The following NMT1 variants were observed in gnomAD, a reference collection of about 807,000 sequenced individuals.
NMT1 encodes N-myristoyltransferase 1, also known as glycylpeptide N-tetradecanoyltransferase 1.
A neutral mutation model predicts 63.4 loss-of-function variants in NMT1; 12 were observed. The ratio of observed to expected loss-of-function variants is 0.19; its 90% CI spans 0.12 to 0.31. NMT1 has a LOEUF of 0.31. Ranked by LOEUF, NMT1 falls within the 10% of genes least tolerant of loss-of-function variation. NMT1 has a pLI of 1.00. For synonymous variants in NMT1, 228 were observed against 234.3 expected (o/e 0.97, Z 0.25); for missense variants, 432 against 634.6 (o/e 0.68, Z 3.43).
intron 5 of NMT1, 90 bp downstream of exon 5, chr17:45,096,375 G>A (rs1433681742): frequency 6.9e-6 from 7 of 1,014,342 alleles, no homozygotes; most frequent in Non-Finnish European, 1.1e-5. Flanking sequence ...CCTGCCAGGG[G>A]CCAACCTTTG....
intron 2 of NMT1, among the ~76,000 whole-genome samples, chr17:45,084,683 G>A (rs1043495266): frequency 6.7e-6 from 1 of 150,028 alleles, no homozygotes; most frequent in Non-Finnish European, 1.5e-5. Flanking sequence ...GCCCAGGCTG[G>A]CCTTGAACTC....
intron 1 of NMT1, among the ~76,000 whole-genome samples, chr17:45,068,780 G>A (rs1243795240): frequency 1.3e-5 from 2 of 151,752 alleles, no homozygotes; most frequent in Admixed American, 6.6e-5. Flanking sequence ...CCAAATAGCT[G>A]GGATCACAGG....
At chr17:45,081,371 A>G (rs2054016170) in intron 1 of NMT1, among the ~76,000 whole-genome samples, 1 of 152,246 alleles carries the variant, frequency 6.6e-6, no homozygotes, top group African/African-American at 2.4e-5. Context: ...ATATAAAGAA[A>G]ATAAGCAACA....
intron 1 of NMT1, among the ~76,000 whole-genome samples, chr17:45,076,483 C>T (rs2053978442): frequency 6.6e-6 from 1 of 150,474 alleles, no homozygotes; most frequent in Non-Finnish European, 1.5e-5. Context: ...GGCACGGTGG[C>T]TCATGCCTGT....
rs1243981130 is a variant in NMT1 at position 45,096,180 on chromosome 17, T to G, written c.505-14T>G. On this transcript the variant is annotated splice_polypyrimidine_tract_variant and intron_variant, in intron 4 of 11. Coordinates refer to ENST00000258960, the MANE Select transcript of NMT1 (RefSeq NM_021079.5). ...GGCAGAATACCTCCAAGTGAGCTGC[T>G]TATTTCTTTACAGCTAAAAGAACTG... 6.3e-7 allele frequency: 1 copy of G among 1,597,994 alleles called. No individual in the cohort carries two copies. The highest frequency in any genetic ancestry group is 2.2e-5 in the East Asian group (1 of 44,818).
chr17:45,075,702 G>A (rs1225066959), intron 1 of NMT1, among the ~76,000 whole-genome samples: 3 of 151,660 alleles, frequency 2.0e-5, no homozygotes, highest in African/African-American at 4.9e-5. Context: ...CCCAGGAGGC[G>A]GAGGTTGCAG....
intron 4 of NMT1, among the ~76,000 whole-genome samples, chr17:45,094,152 C>T (rs1348335703): frequency 6.6e-6 from 1 of 152,116 alleles, no homozygotes; most frequent in African/African-American, 2.4e-5. Flanking sequence ...ACCCCGGCCA[C>T]CCAGAGCCCC....
At chr17:45,077,621 C>T (rs912762111) in intron 1 of NMT1, among the ~76,000 whole-genome samples, 4 of 152,186 alleles carry the variant, frequency 2.6e-5, no homozygotes, top group African/African-American at 9.7e-5. Context: ...AACTCCCGAC[C>T]TCAGGTGATC....
chr17:45,096,462 C>A (rs1018342352), intron 5 of NMT1, among the ~76,000 whole-genome samples, 177 bp downstream of exon 5: 2 of 152,164 alleles, frequency 1.3e-5, no homozygotes, highest in Admixed American at 1.3e-4. Flanking sequence ...AGAATTGCAG[C>A]CTTGTTTAAG....
At chr17:45,095,070 C>G (rs2054115564) in intron 4 of NMT1, among the ~76,000 whole-genome samples, 1 of 151,818 alleles carries the variant, frequency 6.6e-6, no homozygotes, top group Non-Finnish European at 1.5e-5. Flanking sequence ...CTCGGCCTCC[C>G]AAAGTGCTGG....
intron 8 of NMT1, 154 bp downstream of exon 8, chr17:45,099,667 TTC>T (rs2054148810): frequency 1.7e-6 from 1 of 605,224 alleles, no homozygotes; most frequent in Non-Finnish European, 3.0e-6. Context: ...GACTTTCTAT[TTC>T]TGTTATCTGA....
chr17:45,062,004 T>C (rs2143438709), intron 1 of NMT1: 1 of 152,520 alleles, frequency 6.6e-6, no homozygotes, highest in African/African-American at 2.4e-5. Context: ...ATGGTAATGC[T>C]TTGATTTACA....
intron 1 of NMT1, among the ~76,000 whole-genome samples, chr17:45,076,284 T>C (rs1186469578): frequency 3.3e-5 from 5 of 152,018 alleles, no homozygotes; most frequent in African/African-American, 4.8e-5. Flanking sequence ...ATTAAAATTA[T>C]TATAATTACC....
chr17:45,081,594 C>CAAA, intron 1 of NMT1, 50 bp from the exon 2 acceptor site: 1 of 1,528,578 alleles, frequency 6.5e-7, no homozygotes, highest in Non-Finnish European at 9.0e-7. Context: ...AGGGGTAGCA[C>CAAA]AAAACAGATT....
intron 8 of NMT1, among the ~76,000 whole-genome samples, chr17:45,100,877 A>G (rs1303864020): frequency 8.0e-6 from 1 of 125,226 alleles, no homozygotes; most frequent in African/African-American, 3.0e-5. Flanking sequence ...AAAAAAAAAA[A>G]AAAAAAAAAA....
Position 45,093,722 on chromosome 17 carries a change from C to T in NMT1, c.423C>T (p.Asp141=), listed in dbSNP as rs535242567. The T allele has an allele frequency of 1.9e-6, 3 of 1,614,244 alleles. No homozygotes were observed. In the East Asian group the frequency reaches 6.7e-5, roughly 36 times the overall value. ...ACACCCATGGCCCCGTGGAGCCTGA[C>T]AAGGACAATATCCGCCAGGAGCCCT... is the stretch of plus-strand genomic sequence containing the variant. The part of the protein sequence containing the change: ...VVNTHGPVEP[D]KDNIRQEPYT... Residue 141 remains aspartate, a synonymous_variant, in exon 4 of 12, where the codon GAC becomes GAT. Transcript: ENST00000258960.
chr17:45,086,748 G>A (rs1192542212), intron 3 of NMT1, 96 bp downstream of exon 3: 1 of 1,322,726 alleles, frequency 7.6e-7, no homozygotes, highest in Non-Finnish European at 1.0e-6. Flanking sequence ...CTGTAGGGAG[G>A]GCAGTAGAGT....
At chr17:45,070,772 G>A (rs1455778128) in intron 1 of NMT1, among the ~76,000 whole-genome samples, 1 of 152,066 alleles carries the variant, frequency 6.6e-6, no homozygotes, top group Admixed American at 6.6e-5. Context: ...GGCTTGTCTC[G>A]AGCTCCAGAC....
chr17:45,100,597 C>T (rs1370860543), intron 8 of NMT1, among the ~76,000 whole-genome samples: 1 of 149,540 alleles, frequency 6.7e-6, no homozygotes, highest in Non-Finnish European at 1.5e-5. Context: ...CGTGGTGGCT[C>T]ACGCCTGTAA....
Sources: gnomAD v4.1 joint callset for allele counts (sites outside exome capture counted in the v4.1 genomes callset) on GRCh38, gnomAD v4.1.1 for gene constraint, MANE v1.5 for transcripts, NCBI Gene and HGNC (gene_info 2026-07-23, HGNC 2026-07-21) for gene names.